COL25A1: variants seen among roughly 807,000 people sequenced by gnomAD.
COL25A1 encodes the protein collagen type XXV alpha 1 chain.
Under a neutral mutation model 128.4 loss-of-function variants are expected in COL25A1, and 103 were observed. The observed-to-expected ratio is 0.80, with a 90% CI of 0.68 to 0.94. The LOEUF (loss-of-function observed/expected upper bound fraction) is 0.94, where lower values mean the gene tolerates loss of function less well. Ranked by LOEUF, COL25A1 falls within the 40% of genes least tolerant of loss-of-function variation. The pLI is 0.00. For missense variants in COL25A1, 745 were observed against 840.0 expected, an observed-to-expected ratio of 0.89 and a Z score of 1.40; for synonymous variants, 279 against 277.2, an observed-to-expected ratio of 1.01 and a Z score of -0.06.
intron 26 of COL25A1, among the ~76,000 whole-genome samples, chr4:108,850,931 G>A (rs1735696443): frequency 6.6e-6 from 1 of 152,066 alleles, no homozygotes; most frequent in Admixed American, 6.6e-5. Context: ...TAGGCCTTTG[G>A]ACTGTAGAGA....
Position 109,217,396 on chromosome 4 carries a change from T to C in COL25A1, c.367+83187A>G, listed in dbSNP as rs748207099. 3.4e-4 allele frequency among the ~76,000 whole-genome samples: 52 copies of C among 152,340 alleles called. No individual in the cohort carries two copies. The Middle Eastern group carries it at 0.014, about 40-fold the overall frequency. Reference sequence around the variant, plus strand: ...AAAACAGACAATAATCATAATAATCTAACAGCTATTATTTTTAAACACTAT... The same window carrying C: ...AAAACAGACAATAATCATAATAATCCAACAGCTATTATTTTTAAACACTAT... On this transcript the variant is annotated intron_variant, in intron 3 of 37. Transcript: ENST00000399132.
chr4:108,942,284 A>G (rs1748205690), intron 8 of COL25A1: 1 of 1,549,880 alleles, frequency 6.5e-7, no homozygotes, highest in Non-Finnish European at 8.7e-7. Context: ...GACATAGCAC[A>G]GCACCAAAAC....
chr4:109,010,429 ATTTT>A, intron 5 of COL25A1, 54 bp from the exon 6 acceptor site: 1 of 1,277,422 alleles, frequency 7.8e-7, no homozygotes, highest in South Asian at 1.4e-5. Flanking sequence ...CTAAGTGAAT[ATTTT>A]CACTACCAAA....
intron 3 of COL25A1, among the ~76,000 whole-genome samples, chr4:109,278,054 G>A (rs1267773942): frequency 6.6e-6 from 1 of 151,820 alleles, no homozygotes; most frequent in African/African-American, 2.4e-5. Flanking sequence ...AGAATCGCTT[G>A]AACCCAGGAG....
chr4:109,161,601 T>G (rs1772588146), intron 3 of COL25A1, among the ~76,000 whole-genome samples: 1 of 152,238 alleles, frequency 6.6e-6, no homozygotes, highest in Non-Finnish European at 1.5e-5. Flanking sequence ...CTCTTTCTGC[T>G]GCACTCTGAA....
chr4:108,871,072 CAAAT>C (rs1310499570), intron 19 of COL25A1, among the ~76,000 whole-genome samples: 6 of 152,132 alleles, frequency 3.9e-5, no homozygotes, highest in African/African-American at 1.2e-4. Context: ...AATTCACAAA[CAAAT>C]AAATAGGGCT....
At chr4:109,098,425 C>T (rs1485481648) in intron 3 of COL25A1, among the ~76,000 whole-genome samples, 2 of 152,296 alleles carry the variant, frequency 1.3e-5, no homozygotes, top group Non-Finnish European at 2.9e-5. Flanking sequence ...ATCAAGGAGA[C>T]CCATAATCCA....
chr4:109,147,927 A>C (rs17288525), intron 3 of COL25A1, among the ~76,000 whole-genome samples: 80,044 of 151,898 alleles, frequency 0.53, 23,212 homozygotes, highest in South Asian at 0.67. Flanking sequence ...TGAGAGAATA[A>C]ATTGTTTTTA....
intron 26 of COL25A1, among the ~76,000 whole-genome samples, chr4:108,849,741 C>T (rs1406706471): frequency 2.0e-5 from 3 of 152,180 alleles, no homozygotes; most frequent in African/African-American, 4.8e-5. Context: ...GCCTCACAGA[C>T]AGATTTCCAA....
intron 3 of COL25A1, among the ~76,000 whole-genome samples, chr4:109,249,297 A>G (rs1360735863): frequency 1.3e-5 from 2 of 152,192 alleles, no homozygotes; most frequent in Non-Finnish European, 2.9e-5. Flanking sequence ...AAGTAACTTG[A>G]AGCCAAGATT....
chr4:109,000,798 G>A (rs1755293513), intron 6 of COL25A1, among the ~76,000 whole-genome samples: 1 of 141,644 alleles, frequency 7.1e-6, no homozygotes, highest in African/African-American at 2.6e-5. Context: ...CACTTTGTCA[G>A]GATTCAGAAA....
intron 3 of COL25A1, among the ~76,000 whole-genome samples, chr4:109,078,407 CAA>C (rs1763563502): frequency 6.6e-6 from 1 of 152,146 alleles, no homozygotes; most frequent in Non-Finnish European, 1.5e-5. Context: ...CAGATACTCT[CAA>C]GTCTGCATTT....
chr4:109,283,741 T>TCC (rs1244396055), intron 3 of COL25A1, among the ~76,000 whole-genome samples: 2 of 152,170 alleles, frequency 1.3e-5, no homozygotes, highest in Non-Finnish European at 2.9e-5. Context: ...TAACGTTTCT[T>TCC]CCCCTTCTCT....
rs1491405674 is a variant in COL25A1, at chr4:109,239,423, T to TA, written c.367+61159_367+61160insT. ...ATATATATATATATATATATATATA[T>TA]TTATTTATTTATTTATTTATATTGT... On this transcript the variant is annotated intron_variant, in intron 3 of 37. Coordinates refer to ENST00000399132, the MANE Select transcript of COL25A1 (RefSeq NM_198721.4). 2.4e-3 allele frequency among the ~76,000 whole-genome samples: 342 copies of TA among 141,566 alleles called. 1 individual carries two copies. Among genetic ancestry groups the TA allele is most frequent in the African/African-American group, 7.6e-3 (291 of 38,412 alleles). The allele number at this position is 141,566 out of a possible 152,430, so 92.9% of individuals were successfully genotyped here. A position where few individuals can be genotyped will look rare whatever the true frequency, so the allele number is the denominator to read the frequency against.
intron 2 of COL25A1, among the ~76,000 whole-genome samples, chr4:109,300,934 T>C (rs1418595988): frequency 6.6e-6 from 1 of 152,220 alleles, no homozygotes; most frequent in Non-Finnish European, 1.5e-5. Flanking sequence ...GCAGTCAATG[T>C]AAAAACCTAG....
In COL25A1 at chr4:109,270,492, AC is replaced by A. The variant is rs368945855; in HGVS notation, c.367+30090del. The stretch of plus-strand genomic sequence containing the variant: ...ACAACTGCTTCAAAGAGAATAAAAT[AC>A]CTAGGAATCCAACTTACAAGGGATG... On this transcript the variant is annotated intron_variant, in intron 3 of 37. Coordinates refer to ENST00000399132, the MANE Select transcript of COL25A1 (RefSeq NM_198721.4). Among the ~76,000 whole-genome samples, 608 of 152,314 alleles carry A rather than the reference AC, an allele frequency of 4.0e-3. 5 individuals carry two copies. The highest frequency in any genetic ancestry group is 0.013 in the African/African-American group (554 of 41,572).
chr4:109,152,095 TAA>T (rs57253376), intron 3 of COL25A1, among the ~76,000 whole-genome samples: 2 of 142,824 alleles, frequency 1.4e-5, no homozygotes, highest in Non-Finnish European at 1.5e-5. Context: ...GACTTTTTAA[TAA>T]AAAAAAAAAA....
chr4:108,827,225 C>T, intron 32 of COL25A1, 37 bp from the exon 33 acceptor site: 1 of 1,546,720 alleles, frequency 6.5e-7, no homozygotes, highest in African/African-American at 1.4e-5. Context: ...TCATACACAC[C>T]CACCTACATT....
intron 8 of COL25A1, among the ~76,000 whole-genome samples, chr4:108,962,512 C>T (rs1263903413): frequency 1.3e-5 from 2 of 151,992 alleles, no homozygotes; most frequent in East Asian, 3.9e-4. Flanking sequence ...TACTTTAGGC[C>T]TGAAGCTGAC....
Sources: gnomAD v4.1 joint callset for allele counts (sites outside exome capture counted in the v4.1 genomes callset) on GRCh38, gnomAD v4.1.1 for gene constraint, MANE v1.5 for transcripts, NCBI Gene and HGNC (gene_info 2026-07-23, HGNC 2026-07-21) for gene names.